Variants in IQCJ observed in about 807,000 individuals in gnomAD.
The protein encoded by IQCJ is IQ motif containing J.
Under a neutral mutation model 11.0 loss-of-function variants are expected in IQCJ, and 9 were observed. The observed-to-expected ratio is 0.82, with a 90% CI of 0.49 to 1.43. The LOEUF is 1.43. Among genes scored for constraint, IQCJ ranks in the 40% most tolerant of loss-of-function variants. The probability of loss-of-function intolerance (pLI) is 0.00; values close to 1 mark genes in which losing one functional copy is unlikely to be tolerated. For missense variants in IQCJ, 146 were observed against 133.2 expected, an observed-to-expected ratio of 1.10 and a Z score of -0.47; for synonymous variants, 55 against 51.3, an observed-to-expected ratio of 1.07 and a Z score of -0.31.
intron 1 of IQCJ, among the ~76,000 whole-genome samples, chr3:159,207,780 C>A (rs1724737456): frequency 6.6e-6 from 1 of 152,182 alleles, no homozygotes; most frequent in African/African-American, 2.4e-5. Context: ...AATCTAGCTC[C>A]ATCTGGTTGG....
At chr3:159,228,917 A>G (rs538363728) in intron 1 of IQCJ, among the ~76,000 whole-genome samples, 8 of 152,350 alleles carry the variant, frequency 5.3e-5, no homozygotes, top group Admixed American at 5.2e-4. Flanking sequence ...TCTATAGAAG[A>G]AAGACTTAAT....
chr3:159,085,017 C>T (rs866963117), intron 1 of IQCJ, among the ~76,000 whole-genome samples: 1 of 151,942 alleles, frequency 6.6e-6, no homozygotes, highest in Non-Finnish European at 1.5e-5. Context: ...GCTGCACCCA[C>T]TAACTCGTCA....
intron 1 of IQCJ, among the ~76,000 whole-genome samples, chr3:159,165,772 C>A (rs181029134): frequency 1.5e-4 from 23 of 149,134 alleles, no homozygotes; most frequent in African/African-American, 4.9e-4. Context: ...TGCCACCATG[C>A]CCAGCTAATT....
intron 1 of IQCJ, among the ~76,000 whole-genome samples, chr3:159,197,278 G>C (rs1724043217): frequency 6.6e-6 from 1 of 152,172 alleles, no homozygotes; most frequent in Non-Finnish European, 1.5e-5. Context: ...AATCCAATCA[G>C]TTGTTACCTC....
chr3:159,151,028 G>A (rs1043575329), intron 1 of IQCJ, among the ~76,000 whole-genome samples: 1 of 152,192 alleles, frequency 6.6e-6, no homozygotes, highest in African/African-American at 2.4e-5. Context: ...GGGAATGCAG[G>A]TGGGAAGGTA....
intron 1 of IQCJ, among the ~76,000 whole-genome samples, chr3:159,198,806 G>A (rs73029435): frequency 0.016 from 2,414 of 152,256 alleles, 63 homozygotes; most frequent in African/African-American, 0.055. Flanking sequence ...GGCTTTAAAA[G>A]CCAACTGCTT....
chr3:159,217,940 G>A (rs1158517616), intron 1 of IQCJ, among the ~76,000 whole-genome samples: 1 of 152,020 alleles, frequency 6.6e-6, no homozygotes, highest in Non-Finnish European at 1.5e-5. Flanking sequence ...TAGAAAGAAA[G>A]CTCCTTGAGG....
intron 1 of IQCJ, among the ~76,000 whole-genome samples, chr3:159,125,921 T>C (rs2108150649): frequency 6.6e-6 from 1 of 152,260 alleles, no homozygotes; most frequent in East Asian, 1.9e-4. Context: ...TTGTAAGCAA[T>C]GGCAAATCAG....
At chr3:159,079,776 A>G (rs1403127921) in intron 1 of IQCJ, among the ~76,000 whole-genome samples, 2 of 152,122 alleles carry the variant, frequency 1.3e-5, no homozygotes, top group African/African-American at 4.8e-5. Flanking sequence ...TAGACATTCC[A>G]TAATTTAATC....
intron 1 of IQCJ, among the ~76,000 whole-genome samples, chr3:159,160,633 T>G (rs563070067): frequency 6.6e-6 from 1 of 151,842 alleles, no homozygotes; most frequent in Non-Finnish European, 1.5e-5. Context: ...CTGCACCCAT[T>G]AACTCGTCAT....
Position 159,263,181 on chromosome 3 carries a change from C to T in IQCJ, c.*450C>T, listed in dbSNP as rs1309199119. 5 of 586,510 alleles carry T rather than the reference C, an allele frequency of 8.5e-6. No homozygotes were observed. The highest frequency in any genetic ancestry group is 2.0e-5 in the African/African-American group (1 of 49,446). 36.3% of individuals were successfully genotyped at this position (586,510 alleles called of 1,614,324 possible). A position where few individuals can be genotyped will look rare whatever the true frequency, so the allele number is the denominator to read the frequency against. ...TGGCTGAGCTGTGCCCCTGGCTACA[C>T]GGAGAACATAGACCTCACCTGAAGG... On this transcript the variant is annotated 3_prime_UTR_variant, in exon 4 of 4. Coordinates refer to ENST00000397832, the MANE Select transcript of IQCJ (RefSeq NM_001042706.3).
At chr3:159,173,010 A>G (rs188808109) in intron 1 of IQCJ, among the ~76,000 whole-genome samples, 109 of 152,310 alleles carry the variant, frequency 7.2e-4, no homozygotes, top group African/African-American at 2.5e-3. Context: ...ATGACTGGAA[A>G]TATTATTTCA....
chr3:159,157,879 C>A (rs768659824), intron 1 of IQCJ, among the ~76,000 whole-genome samples: 1 of 152,102 alleles, frequency 6.6e-6, no homozygotes, highest in Non-Finnish European at 1.5e-5. Flanking sequence ...GAGGGAGCTT[C>A]CTTATTCTTT....
intron 1 of IQCJ, among the ~76,000 whole-genome samples, chr3:159,108,022 A>AAG (rs1553776514): frequency 2.6e-5 from 4 of 151,306 alleles, no homozygotes; most frequent in African/African-American, 4.9e-5. Flanking sequence ...AAAAAAAAAA[A>AAG]AAAGAAAAAA....
At chr3:159,213,383 G>T (rs1408101009) in intron 1 of IQCJ, among the ~76,000 whole-genome samples, 1 of 152,186 alleles carries the variant, frequency 6.6e-6, no homozygotes, top group African/African-American at 2.4e-5. Context: ...ATCACAAGCT[G>T]CATGACTTTG....
intron 1 of IQCJ, among the ~76,000 whole-genome samples, chr3:159,072,911 C>A (rs898605749): frequency 6.6e-6 from 1 of 152,106 alleles, no homozygotes; most frequent in Non-Finnish European, 1.5e-5. Flanking sequence ...TCTCTAGTTC[C>A]AGGTCCAGAC....
At chr3:159,263,891 G>GATAA, downstream of IQCJ, 1 of 893,756 alleles carries the variant, frequency 1.1e-6, no homozygotes, top group Non-Finnish European at 1.3e-6. Flanking sequence ...AATTATTTAG[G>GATAA]GGAATGGCTT....
chr3:159,170,464 C>G (rs562455180), intron 1 of IQCJ, among the ~76,000 whole-genome samples: 1 of 152,266 alleles, frequency 6.6e-6, no homozygotes, highest in South Asian at 2.1e-4. Context: ...AGGATGGACA[C>G]TAACATTCAG....
At chr3:159,220,064 C>G (rs546913247) in intron 1 of IQCJ, among the ~76,000 whole-genome samples, 34 of 152,280 alleles carry the variant, frequency 2.2e-4, no homozygotes, top group South Asian at 6.2e-4. Context: ...TCCATTCTTT[C>G]TATATCTCAG....
Sources: allele counts gnomAD v4.1 joint callset (sites outside exome capture counted in the v4.1 genomes callset), GRCh38; gene constraint gnomAD v4.1.1; transcripts MANE v1.5; gene names NCBI Gene and HGNC (gene_info 2026-07-23, HGNC 2026-07-21).